Variants in LRRIQ1 observed in about 807,000 individuals in gnomAD.
LRRIQ1 encodes leucine-rich repeat- and IQ domain-containing protein 1.
LRRIQ1 carries 210 observed loss-of-function variants against 211.9 expected under a neutral mutation model. The observed-to-expected ratio is 0.99, with a 90% CI of 0.89 to 1.11. The LOEUF (loss-of-function observed/expected upper bound fraction) is 1.11. LRRIQ1 is among the 50% of genes most tolerant of loss of function. The pLI is 0.00. For missense variants in LRRIQ1, 2,136 were observed against 1,939.5 expected, an observed-to-expected ratio of 1.10 and a Z score of -1.90; for synonymous variants, 699 against 650.1, an observed-to-expected ratio of 1.08 and a Z score of -1.14.
intron 24 of LRRIQ1, among the ~76,000 whole-genome samples, chr12:85,200,249 A>C (rs1208094914): frequency 6.6e-6 from 1 of 152,074 alleles, no homozygotes; most frequent in African/African-American, 2.4e-5. Flanking sequence ...GGATTGCATT[A>C]TTGACTGGGC....
intron 24 of LRRIQ1, among the ~76,000 whole-genome samples, chr12:85,228,691 G>C (rs965757870): frequency 6.6e-6 from 1 of 152,166 alleles, no homozygotes; most frequent in East Asian, 1.9e-4. Context: ...ATGTATGTGT[G>C]TCTGCACGTA....
intron 15 of LRRIQ1, among the ~76,000 whole-genome samples, chr12:85,116,028 A>C (rs954316676): frequency 1.4e-4 from 22 of 152,294 alleles, no homozygotes; most frequent in Middle Eastern, 3.4e-3. Context: ...ACACGGTCAT[A>C]CTCTTTATGT....
In LRRIQ1 at chr12:85,244,952, C is replaced by T. The variant is rs758102429; in HGVS notation, c.*11C>T. The stretch of plus-strand genomic sequence containing the variant: ...TCAAAATTAATTTAGAAATCACAAA[C>T]GAATTGATGGAACCTAATGCCAACA... On this transcript the variant is annotated 3_prime_UTR_variant, in exon 27 of 27. Transcript: ENST00000393217. 88 of 1,608,010 alleles carry T rather than the reference C, an allele frequency of 5.5e-5. No homozygotes were observed. Among genetic ancestry groups the T allele is most frequent in the Middle Eastern group, 1.7e-4 (1 of 6,050 alleles).
At chr12:85,125,539 A>C (rs1888318103) in intron 17 of LRRIQ1, among the ~76,000 whole-genome samples, 1 of 152,188 alleles carries the variant, frequency 6.6e-6, no homozygotes, top group Admixed American at 6.5e-5. Flanking sequence ...GGTGCTGAGC[A>C]GTGCAAATAT....
At chr12:85,120,049 T>G (rs549171354) in intron 15 of LRRIQ1, among the ~76,000 whole-genome samples, 1 of 152,350 alleles carries the variant, frequency 6.6e-6, no homozygotes, top group South Asian at 2.1e-4. Flanking sequence ...TTTCCTTGAT[T>G]TATACCTTTG....
chr12:85,074,654 A>T (rs1168642275), intron 11 of LRRIQ1, among the ~76,000 whole-genome samples: 2 of 151,878 alleles, frequency 1.3e-5, no homozygotes, highest in Admixed American at 1.3e-4. Context: ...TTTATGACCA[A>T]TTTTAAATAA....
rs12302022 is a variant in LRRIQ1, at chr12:85,188,564, G to T, written c.4822+27850G>T. On this transcript the variant is annotated intron_variant, in intron 24 of 26. Transcript: ENST00000393217. Reference sequence around the variant, plus strand: ...TCTAAAATTTGCAGAGTACTCATAAGACTGACATATGTGTGACTGAAGCAG... The same window carrying T: ...TCTAAAATTTGCAGAGTACTCATAATACTGACATATGTGTGACTGAAGCAG... Among the ~76,000 whole-genome samples the T allele has an allele frequency of 7.2e-3, 1,098 of 152,192 alleles. 17 individuals are homozygous for T. The highest frequency in any genetic ancestry group is 0.025 in the African/African-American group (1,030 of 41,542).
intron 11 of LRRIQ1, among the ~76,000 whole-genome samples, chr12:85,073,524 A>G (rs1883319884): frequency 6.6e-6 from 1 of 152,120 alleles, no homozygotes; most frequent in African/African-American, 2.4e-5. Context: ...TTGTAAAAAA[A>G]GAAATGCTTG....
chr12:85,215,099 G>A (rs974210980), intron 24 of LRRIQ1, among the ~76,000 whole-genome samples: 2 of 152,116 alleles, frequency 1.3e-5, no homozygotes, highest in African/African-American at 4.8e-5. Flanking sequence ...TGCAACCAGA[G>A]AAAGGCTAAT....
intron 19 of LRRIQ1, among the ~76,000 whole-genome samples, chr12:85,140,616 C>A (rs1889472093): frequency 6.6e-6 from 1 of 151,050 alleles, no homozygotes; most frequent in Admixed American, 6.6e-5. Context: ...ATTACTGCTT[C>A]CATTATAATG....
chr12:85,069,783 GTTGT>G (rs1438508983), intron 10 of LRRIQ1, among the ~76,000 whole-genome samples: 1 of 152,022 alleles, frequency 6.6e-6, no homozygotes, highest in Admixed American at 6.6e-5. Context: ...TTTTGATGGG[GTTGT>G]TTGTTTTTTT....
intron 1 of LRRIQ1, among the ~76,000 whole-genome samples, chr12:85,252,122 A>G (rs934704300): frequency 2.6e-5 from 4 of 151,908 alleles, no homozygotes; most frequent in Non-Finnish European, 5.9e-5. Flanking sequence ...TATTACAGCT[A>G]TTTTATAAAA....
At chr12:85,242,494 C>A (rs548118667) in intron 26 of LRRIQ1, among the ~76,000 whole-genome samples, 1 of 151,864 alleles carries the variant, frequency 6.6e-6, no homozygotes, top group Non-Finnish European at 1.5e-5. Flanking sequence ...ATATAAGGGA[C>A]ATGAGCATCC....
chr12:85,148,333 T>G (rs942697434), intron 19 of LRRIQ1, among the ~76,000 whole-genome samples: 1 of 151,712 alleles, frequency 6.6e-6, no homozygotes, highest in African/African-American at 2.4e-5. Flanking sequence ...CTGATGTGTG[T>G]TGTTCCCCTC....
chr12:85,111,835 T>C (rs1887194561), intron 15 of LRRIQ1, among the ~76,000 whole-genome samples: 1 of 151,896 alleles, frequency 6.6e-6, no homozygotes, highest in Admixed American at 6.6e-5. Context: ...GGGCTAAAAT[T>C]CAGTCATGGA....
chr12:85,240,547 A>G (rs1163573086), intron 26 of LRRIQ1, among the ~76,000 whole-genome samples: 1 of 152,164 alleles, frequency 6.6e-6, no homozygotes, highest in Non-Finnish European at 1.5e-5. Context: ...AAAACTGTAC[A>G]TAAACTTTCA....
At chr12:85,182,155 C>T (rs1361082880) in intron 24 of LRRIQ1, among the ~76,000 whole-genome samples, 1 of 152,010 alleles carries the variant, frequency 6.6e-6, no homozygotes, top group Non-Finnish European at 1.5e-5. Context: ...TGAAAATCTT[C>T]CCCTTTTGTA....
chr12:85,055,471 C>G (rs1880878569), intron 7 of LRRIQ1, 76 bp from the exon 8 acceptor site: 8 of 1,172,430 alleles, frequency 6.8e-6, no homozygotes, highest in Non-Finnish European at 8.8e-6. Context: ...TGTTTTCAAT[C>G]TACATTTCAG....
rs1410779616 is a variant in LRRIQ1 at position 85,217,506 on chromosome 12, ATATGTGTG to A, written c.4823-12009_4823-12002del. Among the ~76,000 whole-genome samples, 179 of 69,760 alleles carry A rather than the reference ATATGTGTG, an allele frequency of 2.6e-3. 1 individual carries two copies. The highest frequency in any genetic ancestry group is 3.3e-3 in the South Asian group (8 of 2,456). 45.8% of individuals were successfully genotyped at this position (69,760 alleles called of 152,430 possible). A position where few individuals can be genotyped will look rare whatever the true frequency, so the allele number is the denominator to read the frequency against. On this transcript the variant is annotated intron_variant, in intron 24 of 26. Coordinates refer to ENST00000393217, the MANE Select transcript of LRRIQ1 (RefSeq NM_001079910.2). Reference sequence around the variant, plus strand: ...TATATATATATGTATATATATATATATATGTGTGTGTGTGTGTGTGTGTGTGTGTGTGT... The same window carrying A: ...TATATATATATGTATATATATATATATGTGTGTGTGTGTGTGTGTGTGTGT...
Sources: allele counts gnomAD v4.1 joint callset (sites outside exome capture counted in the v4.1 genomes callset), GRCh38; gene constraint gnomAD v4.1.1; transcripts MANE v1.5; gene names NCBI Gene and HGNC (gene_info 2026-07-23, HGNC 2026-07-21).